NRG1: variants seen among roughly 807,000 people sequenced by gnomAD.
The protein encoded by NRG1 is pro-neuregulin-1, membrane-bound isoform.
In NRG1, 18 loss-of-function variants were observed where a neutral mutation model predicts 63.8. The ratio of observed to expected loss-of-function variants is 0.28; its 90% CI spans 0.19 to 0.42. The LOEUF is 0.42. NRG1 is among the 10% of genes least tolerant of loss of function. The pLI, the probability that NRG1 is intolerant of heterozygous loss-of-function variation, is 1.00. For missense variants in NRG1, 762 were observed against 814.7 expected (o/e 0.94, Z 0.79); for synonymous variants, 302 against 301.3 (o/e 1.00, Z -0.02).
intron 1 of NRG1, among the ~76,000 whole-genome samples, chr8:32,540,661 A>C (rs1832489713): frequency 1.3e-5 from 2 of 152,166 alleles, no homozygotes; most frequent in South Asian, 4.1e-4. Flanking sequence ...ATGATGATCC[A>C]AACATATTCT....
chr8:31,973,922 T>C (rs184593956), intron 1 of NRG1, among the ~76,000 whole-genome samples: 1 of 152,310 alleles, frequency 6.6e-6, no homozygotes, highest in East Asian at 1.9e-4. Context: ...AAATTCACTC[T>C]CCGTCTTAGC....
At chr8:32,690,629 T>C (rs1811349520) in intron 5 of NRG1, among the ~76,000 whole-genome samples, 1 of 152,028 alleles carries the variant, frequency 6.6e-6, no homozygotes. Context: ...AGCCCAGGAC[T>C]CCAAAGAATT....
chr8:32,743,061 A>G, intron 7 of NRG1: 1 of 1,106,030 alleles, frequency 9.0e-7, no homozygotes, highest in Non-Finnish European at 1.1e-6. Context: ...TCTCACTTTT[A>G]TTGATAAAAT....
intron 1 of NRG1, among the ~76,000 whole-genome samples, chr8:31,927,367 A>G (rs1834441565): frequency 6.6e-6 from 1 of 151,902 alleles, no homozygotes; most frequent in Non-Finnish European, 1.5e-5. Flanking sequence ...GATGGGGCCC[A>G]GAAATCTGAA....
At chr8:32,167,437 C>A (rs1229130081) in intron 1 of NRG1, among the ~76,000 whole-genome samples, 4 of 152,130 alleles carry the variant, frequency 2.6e-5, no homozygotes, top group African/African-American at 9.7e-5. Context: ...GAACATATAA[C>A]CCATTTTGGT....
intron 1 of NRG1, among the ~76,000 whole-genome samples, chr8:31,861,782 C>G (rs966189803): frequency 2.0e-5 from 3 of 152,286 alleles, no homozygotes; most frequent in African/African-American, 7.2e-5. Flanking sequence ...CCACAATGAA[C>G]TATTGAAATA....
At position 32,444,338 on chromosome 8, in the gene NRG1, CTT is replaced by C. The variant is rs199846319; in HGVS notation, c.38-151488_38-151487del. 6.0e-3 allele frequency among the ~76,000 whole-genome samples: 914 copies of C among 152,050 alleles called. 6 individuals carry two copies. Among genetic ancestry groups the C allele is most frequent in the Non-Finnish European group, 8.9e-3 (606 of 67,974 alleles). ...GTTTGTTTGTTTGTTTTTGTAGAGA[CTT>C]TGTTGCCTAGGCTGGTCTCAAACTC... On this transcript the variant is annotated intron_variant, in intron 1 of 10. Transcript: ENST00000519301.
At chr8:31,848,422 C>T (rs753228274) in intron 1 of NRG1, among the ~76,000 whole-genome samples, 6 of 152,188 alleles carry the variant, frequency 3.9e-5, no homozygotes, top group Non-Finnish European at 8.8e-5. Context: ...TCATCAGTCA[C>T]CCAGGCTCCC....
At chr8:32,326,704 A>G (rs528827405) in intron 1 of NRG1, among the ~76,000 whole-genome samples, 6 of 152,186 alleles carry the variant, frequency 3.9e-5, no homozygotes, top group Admixed American at 1.3e-4. Context: ...CAACTATAGT[A>G]AAGAGAAACC....
intron 1 of NRG1, among the ~76,000 whole-genome samples, chr8:31,892,474 A>C (rs762864499): frequency 4.1e-4 from 62 of 152,130 alleles, no homozygotes; most frequent in Non-Finnish European, 7.2e-4. Context: ...CACACACAAA[A>C]ATAGGAAATT....
intron 1 of NRG1, among the ~76,000 whole-genome samples, chr8:32,105,168 C>T (rs896404884): frequency 3.9e-5 from 6 of 152,078 alleles, no homozygotes; most frequent in Non-Finnish European, 7.4e-5. Context: ...AATTTTTTAG[C>T]TCTGTTATAA....
At chr8:32,418,626 A>G (rs948708054) in intron 1 of NRG1, among the ~76,000 whole-genome samples, 5 of 152,106 alleles carry the variant, frequency 3.3e-5, no homozygotes, top group African/African-American at 1.2e-4. Flanking sequence ...TATTAAAATG[A>G]TAAGTCTATA....
At chr8:32,148,912 C>G (rs1259937875) in intron 1 of NRG1, among the ~76,000 whole-genome samples, 1 of 152,168 alleles carries the variant, frequency 6.6e-6, no homozygotes, top group Non-Finnish European at 1.5e-5. Context: ...ATCTAAACTC[C>G]TAAGATCAGG....
At position 31,785,012 on chromosome 8, in the gene NRG1, C is replaced by G. The variant is rs142674397; in HGVS notation, c.37+145581C>G. Among the ~76,000 whole-genome samples, 30 of 152,238 alleles carry G rather than the reference C, an allele frequency of 2.0e-4. 1 individual carries two copies. The East Asian group carries it at 5.4e-3, about 27-fold the overall frequency. On this transcript the variant is annotated intron_variant, in intron 1 of 10. Transcript: ENST00000519301. ...GCTAAATCTTTACAGAGAGCAGGGA[C>G]TCTGTTCATTCAGTCCCCAGAATGG...
chr8:32,298,598 T>C (rs1300317453), intron 1 of NRG1, among the ~76,000 whole-genome samples: 1 of 150,882 alleles, frequency 6.6e-6, no homozygotes, highest in African/African-American at 2.4e-5. Flanking sequence ...CCTGTAATCC[T>C]AGCTACTCGA....
At chr8:32,037,044 A>G (rs1819185680) in intron 1 of NRG1, among the ~76,000 whole-genome samples, 1 of 152,124 alleles carries the variant, frequency 6.6e-6, no homozygotes, top group Non-Finnish European at 1.5e-5. Context: ...ATGTTTTTGC[A>G]TTGATTCTTT....
intron 5 of NRG1, among the ~76,000 whole-genome samples, chr8:32,724,663 C>G (rs918154369): frequency 2.0e-5 from 3 of 152,170 alleles, no homozygotes; most frequent in African/African-American, 7.2e-5. Context: ...ACAACTTATT[C>G]CTGTGCTTGG....
chr8:31,856,299 G>A, intron 1 of NRG1, among the ~76,000 whole-genome samples: 1 of 152,116 alleles, frequency 6.6e-6, no homozygotes, highest in East Asian at 1.9e-4. Context: ...TTTCTTGGAG[G>A]CTTTGCTCAT....
At chr8:32,335,777 C>G (rs1053333914) in intron 1 of NRG1, among the ~76,000 whole-genome samples, 2 of 152,098 alleles carry the variant, frequency 1.3e-5, no homozygotes, top group Admixed American at 1.3e-4. Context: ...CTCTCAAACA[C>G]GTTTGAAAGA....
Sources: gnomAD v4.1 joint callset for allele counts (sites outside exome capture counted in the v4.1 genomes callset) on GRCh38, gnomAD v4.1.1 for gene constraint, MANE v1.5 for transcripts, NCBI Gene and HGNC (gene_info 2026-07-23, HGNC 2026-07-21) for gene names.